Variants in EPM2A observed in about 807,000 individuals in gnomAD.
EPM2A encodes EPM2A glucan phosphatase, laforin.
In EPM2A, 21 loss-of-function variants were observed where a neutral mutation model predicts 26.5. The ratio of observed to expected loss-of-function variants is 0.79; its 90% confidence interval spans 0.56 to 1.14. The LOEUF is 1.14. EPM2A is among the 50% of genes most tolerant of loss of function. EPM2A has a pLI of 0.00. For synonymous variants in EPM2A, 217 were observed against 177.6 expected (o/e 1.22, Z -1.76); for missense variants, 458 against 440.8 (o/e 1.04, Z -0.35).
At position 145,580,916 on chromosome 6, in the gene EPM2A, C is replaced by T. The variant is rs182208840; in HGVS notation, c.340+54329G>A. Among the ~76,000 whole-genome samples, 5 of 152,238 alleles carry T rather than the reference C, an allele frequency of 3.3e-5. No individual in the cohort carries two copies. The East Asian group carries it at 9.6e-4, about 29-fold the overall frequency. On this transcript the variant is annotated intron_variant, in intron 2 of 3. Coordinates refer to the EPM2A transcript ENST00000450221. ...TACCATATTTTCTTTATCCAGACTA[C>T]CATTGATGGTACTTAGTTTGATTCC... is the stretch of plus-strand genomic sequence containing the variant.
chr6:145,563,072 T>A (rs1235854312), intron 2 of EPM2A, among the ~76,000 whole-genome samples: 1 of 151,840 alleles, frequency 6.6e-6, no homozygotes, highest in Admixed American at 6.6e-5. Flanking sequence ...CTCGAGCTGA[T>A]CTGAAACGGC....
chr6:145,625,845 CT>C lies in EPM2A; in HGVS notation c.*1570del. 6.5e-7 allele frequency: 1 copy of C among 1,542,486 alleles called. No homozygotes were observed. The highest frequency in any genetic ancestry group is 1.2e-5 in the South Asian group (1 of 83,414). Reference sequence around the variant, plus strand: ...CCCCACGCCTTCTAAATAAGAGTCTCTTGCATCTATCAATATGTGTTTGTGG... The same window carrying C: ...CCCCACGCCTTCTAAATAAGAGTCTCTGCATCTATCAATATGTGTTTGTGG... On this transcript the variant is annotated 3_prime_UTR_variant, in exon 4 of 4. Transcript: ENST00000367519.
At chr6:145,713,024 G>A (rs921535338) in intron 1 of EPM2A, among the ~76,000 whole-genome samples, 1 of 152,154 alleles carries the variant, frequency 6.6e-6, no homozygotes, top group Non-Finnish European at 1.5e-5. Flanking sequence ...TCTTGACTGT[G>A]ATGGAAGTTA....
At chr6:145,511,045 A>T (rs1780048591) in intron 2 of EPM2A, among the ~76,000 whole-genome samples, 1 of 152,192 alleles carries the variant, frequency 6.6e-6, no homozygotes, top group Non-Finnish European at 1.5e-5. Flanking sequence ...TGAACCAGGA[A>T]GAAATAGAAA....
intron 2 of EPM2A, among the ~76,000 whole-genome samples, chr6:145,545,056 T>C (rs1257103818): frequency 6.6e-6 from 1 of 152,196 alleles, no homozygotes; most frequent in African/African-American, 2.4e-5. Context: ...CATTATCACT[T>C]GTGAAGCCTA....
In EPM2A at chr6:145,582,882, CTGAGT is replaced by C. The variant is rs751693484; in HGVS notation, c.340+52358_340+52362del. ...ATTATTTTTCTTTATTTGTGTCTGA[CTGAGT>C]TAACTTGAAGAACCAGTATTCGAGC... On this transcript the variant is annotated intron_variant, in intron 2 of 3. Coordinates refer to the EPM2A transcript ENST00000450221. Among the ~76,000 whole-genome samples the C allele has an allele frequency of 3.4e-4, 52 of 152,256 alleles. 1 individual carries two copies. Among genetic ancestry groups the C allele is most frequent in the Middle Eastern group, 3.4e-3 (1 of 294 alleles).
At chr6:145,575,141 G>A (rs1781013715) in intron 2 of EPM2A, among the ~76,000 whole-genome samples, 1 of 152,102 alleles carries the variant, frequency 6.6e-6, no homozygotes, top group Non-Finnish European at 1.5e-5. Flanking sequence ...AGGCAGCACA[G>A]GGTTTATTTT....
chr6:145,632,109 T>C (rs781150292), intron 3 of EPM2A: 11 of 152,204 alleles, frequency 7.2e-5, no homozygotes, highest in Non-Finnish European at 1.6e-4. Flanking sequence ...TCTACTGTTA[T>C]AGTCCTGTAA....
intron 2 of EPM2A, chr6:145,637,299 T>C (rs1197150831): frequency 6.6e-6 from 1 of 152,176 alleles, no homozygotes; most frequent in Non-Finnish European, 1.5e-5. Context: ...GCTTTTTTTG[T>C]TTTTTGCTTT....
chr6:145,567,433 G>C (rs1780898630), intron 2 of EPM2A, among the ~76,000 whole-genome samples: 1 of 152,192 alleles, frequency 6.6e-6, no homozygotes, highest in Non-Finnish European at 1.5e-5. Context: ...GTGCAATGTA[G>C]GTTGGAAAGC....
chr6:145,440,687 C>T (rs916936335), intron 4 of EPM2A, among the ~76,000 whole-genome samples: 3 of 152,182 alleles, frequency 2.0e-5, no homozygotes, highest in Non-Finnish European at 4.4e-5. Context: ...AACAAAGGGG[C>T]TAAAGACCCC....
intron 2 of EPM2A, among the ~76,000 whole-genome samples, chr6:145,537,054 C>A (rs532842783): frequency 1.3e-5 from 2 of 152,198 alleles, no homozygotes; most frequent in Admixed American, 6.5e-5. Flanking sequence ...GATATGAGAA[C>A]AAAAATTAGG....
chr6:145,477,269 G>A (rs891035821), intron 4 of EPM2A, among the ~76,000 whole-genome samples: 17 of 151,686 alleles, frequency 1.1e-4, no homozygotes, highest in African/African-American at 3.4e-4. Context: ...AACAAGAAAC[G>A]AGATCAAAGA....
intron 4 of EPM2A, among the ~76,000 whole-genome samples, chr6:145,486,640 A>G (rs2114737649): frequency 6.6e-6 from 1 of 152,148 alleles, no homozygotes; most frequent in African/African-American, 2.4e-5. Flanking sequence ...ATTGTGGTTC[A>G]GTGTGCTATC....
At chr6:145,707,729 T>C (rs1255818050) in intron 1 of EPM2A, among the ~76,000 whole-genome samples, 2 of 152,210 alleles carry the variant, frequency 1.3e-5, no homozygotes, top group Non-Finnish European at 2.9e-5. Flanking sequence ...TTCCTTCCTT[T>C]TGTTATAAAT....
At chr6:145,389,149 C>T (rs1013808161) in intron 4 of EPM2A, among the ~76,000 whole-genome samples, 3 of 152,014 alleles carry the variant, frequency 2.0e-5, no homozygotes, top group African/African-American at 4.8e-5. Context: ...TTTAAAAATG[C>T]AACCCCCTCT....
chr6:145,611,390 G>A (rs1775388647), intron 2 of EPM2A, among the ~76,000 whole-genome samples: 1 of 151,814 alleles, frequency 6.6e-6, no homozygotes, highest in South Asian at 2.1e-4. Context: ...CCTTTGCCTA[G>A]TTGGTTTCAT....
intron 2 of EPM2A, among the ~76,000 whole-genome samples, chr6:145,611,567 G>GA (rs1276767573): frequency 1.3e-5 from 2 of 151,660 alleles, no homozygotes; most frequent in South Asian, 2.1e-4. Context: ...ACTATAAATA[G>GA]AAAAAAATTA....
chr6:145,438,450 T>A (rs1272638738), intron 4 of EPM2A, among the ~76,000 whole-genome samples: 3 of 150,050 alleles, frequency 2.0e-5, no homozygotes, highest in African/African-American at 7.4e-5. Flanking sequence ...CCAGTGTAGA[T>A]TCTCCTGAGA....
Sources: gnomAD v4.1 joint callset for allele counts (sites outside exome capture counted in the v4.1 genomes callset) on GRCh38, gnomAD v4.1.1 for gene constraint, MANE v1.5 for transcripts, NCBI Gene and HGNC (gene_info 2026-07-23, HGNC 2026-07-21) for gene names.